Variants in ATG16L2 observed in about 807,000 individuals in gnomAD.
ATG16L2 encodes the protein autophagy related 16 like 2.
Under a neutral mutation model 84.7 loss-of-function variants are expected in ATG16L2, and 77 were observed. The ratio of observed to expected loss-of-function variants is 0.91; its 90% CI spans 0.76 to 1.10. The LOEUF (loss-of-function observed/expected upper bound fraction) is 1.10. Among genes scored for constraint, ATG16L2 ranks in the 50% least tolerant of loss-of-function variants. The pLI, the probability that ATG16L2 is intolerant of heterozygous loss-of-function variation, is 0.00. For synonymous variants in ATG16L2, 361 were observed against 342.8 expected, an observed-to-expected ratio of 1.05 and a Z score of -0.59; for missense variants, 782 against 817.6, an observed-to-expected ratio of 0.96 and a Z score of 0.53.
chr11:72,822,380 G>C lies in ATG16L2; in HGVS notation c.644+85G>C, dbSNP rs555303244. 86 of 1,583,410 alleles carry C rather than the reference G, an allele frequency of 5.4e-5. No homozygotes were observed. In the Admixed American group the frequency reaches 1.2e-3, roughly 22 times the overall value. ...GGCCTCGCCGGTGTCTGGAAGGGAG[G>C]GGGGCAGCAGCCGCCCCCTGGAGGA... On this transcript the variant is annotated intron_variant, in intron 5 of 17. Coordinates refer to ENST00000321297, the MANE Select transcript of ATG16L2 (RefSeq NM_033388.2). This position sits in a 1 kb window ranked among gnomAD's most constrained non-coding sequence, Gnocchi z 4.2.
Position 72,827,311 on chromosome 11 carries a change from G to C in ATG16L2, c.1472+18G>C. ...GACAGCAGGTGACAGGCGCAGGCTGGGGGAGGACTTGGGGAGGGCTGGGGA... is the reference window on the plus strand; with the variant it reads ...GACAGCAGGTGACAGGCGCAGGCTGCGGGAGGACTTGGGGAGGGCTGGGGA... On this transcript the variant is annotated intron_variant, in intron 14 of 17. Coordinates refer to ENST00000321297, the MANE Select transcript of ATG16L2 (RefSeq NM_033388.2). The C allele has an allele frequency of 6.2e-7, 1 of 1,601,042 alleles. No individual in the cohort carries two copies. Among genetic ancestry groups the C allele is most frequent in the Non-Finnish European group, 8.6e-7 (1 of 1,168,156 alleles).
chr11:72,833,001 C>T (rs542700790), downstream of ATG16L2, among the ~76,000 whole-genome samples: 15 of 152,210 alleles, frequency 9.9e-5, no homozygotes, highest in African/African-American at 1.4e-4. Context: ...TGGCCTCTGC[C>T]TGCCCTGCCC....
intron 14 of ATG16L2, 54 bp from the exon 15 acceptor site, chr11:72,828,305 A>G (rs1014019750): frequency 3.1e-6 from 5 of 1,599,744 alleles, no homozygotes; most frequent in Non-Finnish European, 3.4e-6. Context: ...CCTTCCTGTC[A>G]GGAGTGGCCT....
intron 4 of ATG16L2, 112 bp downstream of exon 4, chr11:72,821,853 C>G: frequency 6.9e-7 from 1 of 1,446,152 alleles, no homozygotes; most frequent in South Asian, 1.4e-5. Context: ...CTACGTCCCC[C>G]CGACCCCATC....
intron 13 of ATG16L2, 56 bp downstream of exon 13, chr11:72,826,879 A>G: frequency 6.3e-7 from 1 of 1,587,754 alleles, no homozygotes; most frequent in Admixed American, 1.8e-5. Flanking sequence ...GCCCCAGGCC[A>G]GGGCACAAGG....
rs1311467957 is a variant in ATG16L2 at position 72,816,738 on chromosome 11, C to T, written c.129C>T (p.Leu43=). 3 of 1,614,004 alleles carry T rather than the reference C, an allele frequency of 1.9e-6. 1 individual carries two copies. The highest frequency in any genetic ancestry group is 1.6e-4 in the Middle Eastern group (1 of 6,082). Residue 43 remains leucine (L), a synonymous_variant, in exon 2 of 18, where the codon CTC becomes CTT. Transcript: ENST00000321297. ...TCTTGCACTCTCCAGATAACCATCT[C>T]TTAGAGAAGGCTGAGCTGCTGGACA... is the stretch of plus-strand genomic sequence containing the variant. The part of the protein sequence containing the change: ...FLELVPAYNH[L]LEKAELLDKF...
At chr11:72,816,476 C>G in intron 1 of ATG16L2, 1 of 453,206 alleles carries the variant, frequency 2.2e-6, no homozygotes, top group Middle Eastern at 5.9e-4. Flanking sequence ...GGTCATCCTT[C>G]TGTCCCTGGG....
chr11:72,816,985 G>A (rs1049810941), intron 2 of ATG16L2, among the ~76,000 whole-genome samples, 158 bp downstream of exon 2: 1 of 152,104 alleles, frequency 6.6e-6, no homozygotes, highest in Non-Finnish European at 1.5e-5. Flanking sequence ...TGGTGGGGGA[G>A]GCAGGCCCTT....
chr11:72,834,097 C>T (rs1452003107), downstream of ATG16L2, among the ~76,000 whole-genome samples: 1 of 152,004 alleles, frequency 6.6e-6, no homozygotes, highest in East Asian at 1.9e-4. Context: ...AAGGCAAACA[C>T]AGGAAGAGTC....
At position 72,822,123 on chromosome 11, in the gene ATG16L2, G is replaced by A. The variant is rs1860032056; in HGVS notation, c.472G>A (p.Ala158Thr). ...QQAQQVEEWR[A>T]QNAVQRAAYE... Reference sequence around the variant, plus strand: ...GGCCCAGCAGGTGGAGGAGTGGCGGGCGCAGAATGCGGTGCAGCGGGCAGC... The same window carrying A: ...GGCCCAGCAGGTGGAGGAGTGGCGGACGCAGAATGCGGTGCAGCGGGCAGC... Residue 158 changes from alanine to threonine, a missense_variant, in exon 5 of 18, where the codon GCG (alanine) becomes ACG (threonine). Transcript: ENST00000321297. This position sits in a 1 kb window ranked among gnomAD's most constrained non-coding sequence, Gnocchi z 4.2. 3 of 1,515,302 alleles carry A rather than the reference G, an allele frequency of 2.0e-6. No homozygotes were observed. The highest frequency in any genetic ancestry group is 1.8e-6 in the Non-Finnish European group (2 of 1,140,750). 93.9% of individuals were successfully genotyped at this position (1,515,302 alleles called of 1,614,324 possible).
In ATG16L2 at chr11:72,828,833, T is replaced by C. The variant is rs1421331063; in HGVS notation, c.1671-50T>C. The C allele has an allele frequency of 6.2e-6, 10 of 1,613,932 alleles. No individual in the cohort carries two copies. The African/African-American group carries it at 6.7e-5, about 11-fold the overall frequency. On this transcript the variant is annotated intron_variant, in intron 16 of 17. Coordinates refer to ENST00000321297, the MANE Select transcript of ATG16L2 (RefSeq NM_033388.2). ...AGTGTGCCCTGCCGGACCCTGTGTGTGCCCTCCCCTCTGACCCCCCGTTTT... is the reference window on the plus strand; with the variant it reads ...AGTGTGCCCTGCCGGACCCTGTGTGCGCCCTCCCCTCTGACCCCCCGTTTT...
Position 72,829,594 on chromosome 11 carries a change from T to TA in ATG16L2, c.*204_*205insA. The TA allele has an allele frequency of 2.9e-6, 4 of 1,381,072 alleles. No individual in the cohort carries two copies. The highest frequency in any genetic ancestry group is 1.7e-5 in the South Asian group (1 of 59,196). The allele number at this position is 1,381,072 out of a possible 1,614,324, so 85.6% of individuals were successfully genotyped here. A position where few individuals can be genotyped will look rare whatever the true frequency, so the allele number is the denominator to read the frequency against. ...TTTTCTTTGTATTTTTATCTCTATCTCCTCACTTTTTCTCCCAAAGTAGAA... is the reference window on the plus strand; with the variant it reads ...TTTTCTTTGTATTTTTATCTCTATCTACCTCACTTTTTCTCCCAAAGTAGAA... On this transcript the variant is annotated 3_prime_UTR_variant, in exon 18 of 18. Coordinates refer to ENST00000321297, the MANE Select transcript of ATG16L2 (RefSeq NM_033388.2).
In ATG16L2 at chr11:72,843,465, A is replaced by G. The variant is rs1333963278; in HGVS notation, c.*870A>G. 3.1e-6 allele frequency: 5 copies of G among 1,613,476 alleles called. No individual in the cohort carries two copies. The highest frequency in any genetic ancestry group is 4.2e-6 in the Non-Finnish European group (5 of 1,179,362). ...GGAATATACCTTTACCCAGTCTTCCATATCTCCATCTTCAATCACTTCTAA... is the reference window on the plus strand; with the variant it reads ...GGAATATACCTTTACCCAGTCTTCCGTATCTCCATCTTCAATCACTTCTAA... On this transcript the variant is annotated 3_prime_UTR_variant, in exon 6 of 6. Transcript: ENST00000534905.
At position 72,826,877 on chromosome 11, in the gene ATG16L2, C is replaced by A. The variant is rs979950813; in HGVS notation, c.1366+54C>A. On this transcript the variant is annotated intron_variant, in intron 13 of 17. Transcript: ENST00000321297. Reference sequence around the variant, plus strand: ...CTCCCCACCAGCCAGGAGCCCCAGGCCAGGGCACAAGGGACCTCACCTGCT... The same window carrying A: ...CTCCCCACCAGCCAGGAGCCCCAGGACAGGGCACAAGGGACCTCACCTGCT... 49 of 1,593,534 alleles carry A rather than the reference C, an allele frequency of 3.1e-5. No homozygotes were observed. In the East Asian group the frequency reaches 1.0e-3, roughly 34 times the overall value.
downstream of ATG16L2, among the ~76,000 whole-genome samples, chr11:72,830,074 T>G (rs1372439280): frequency 6.6e-6 from 1 of 152,008 alleles, no homozygotes; most frequent in Non-Finnish European, 1.5e-5. Flanking sequence ...CCTCCAGGGG[T>G]AGTGCCCAGG....
At chr11:72,835,204 G>C (rs1316047860) in intron 5 of ATG16L2, among the ~76,000 whole-genome samples, 1 of 152,226 alleles carries the variant, frequency 6.6e-6, no homozygotes, top group African/African-American at 2.4e-5. Context: ...TCACTGGCAG[G>C]GAAGTCAGAA....
intron 13 of ATG16L2, 94 bp downstream of exon 13, chr11:72,826,917 C>CGAGA: frequency 6.9e-7 from 1 of 1,447,170 alleles, no homozygotes; most frequent in South Asian, 1.3e-5. Flanking sequence ...GGGAGTGGCT[C>CGAGA]TGAGATTCAT....
At chr11:72,825,189 A>C (rs1235582186) in intron 9 of ATG16L2, 113 bp from the exon 10 acceptor site, 4 of 781,472 alleles carry the variant, frequency 5.1e-6, no homozygotes, top group Non-Finnish European at 6.3e-6. Flanking sequence ...GGGGAGGGAG[A>C]TACCACGTCT....
intron 2 of ATG16L2, 35 bp from the exon 3 acceptor site, chr11:72,817,721 G>T (rs369494820): frequency 6.2e-7 from 1 of 1,606,018 alleles, no homozygotes; most frequent in Non-Finnish European, 8.5e-7. Context: ...TGGGTGAACC[G>T]GGGGACATTG....
Sources: allele counts gnomAD v4.1 joint callset (sites outside exome capture counted in the v4.1 genomes callset), GRCh38; gene constraint gnomAD v4.1.1; non-coding constraint Gnocchi (gnomAD v3.1); transcripts MANE v1.5; gene names NCBI Gene and HGNC (gene_info 2026-07-23, HGNC 2026-07-21).